The following SPG11 variants were observed in gnomAD, a reference collection of about 807,000 sequenced individuals.
The protein encoded by SPG11 is spatacsin.
In SPG11, 222 loss-of-function variants were observed where a neutral mutation model predicts 274.0. That is an observed-to-expected ratio of 0.81 (90% CI 0.73 to 0.91). The LOEUF (loss-of-function observed/expected upper bound fraction) is 0.91, where lower values mean the gene tolerates loss of function less well. Ranked by LOEUF, SPG11 falls within the 40% of genes least tolerant of loss-of-function variation. The probability of loss-of-function intolerance (pLI) is 0.00; values close to 1 mark genes in which losing one functional copy is unlikely to be tolerated. For missense variants in SPG11, 3,114 were observed against 2,872.7 expected, an observed-to-expected ratio of 1.08 and a Z score of -1.92; for synonymous variants, 1,144 against 1,039.7, an observed-to-expected ratio of 1.10 and a Z score of -1.93.
intron 20 of SPG11, 131 bp downstream of exon 20, chr15:44,605,894 A>G: frequency 1.2e-6 from 1 of 806,216 alleles, no homozygotes; most frequent in Non-Finnish European, 2.1e-6. Context: ...TTTGCGAACT[A>G]TTTTTCCTTT....
In SPG11 at chr15:44,598,901, A is replaced by G. The variant is rs979337431; in HGVS notation, c.3687-65T>C. Reference sequence around the variant, plus strand: ...AATTATGTCTCACCAGGAAAAGCAAATGGAATTAAATCAGTGACAGAGGGA... The same window carrying G: ...AATTATGTCTCACCAGGAAAAGCAAGTGGAATTAAATCAGTGACAGAGGGA... On this transcript the variant is annotated intron_variant, in intron 21 of 39. Transcript: ENST00000261866. The G allele has an allele frequency of 6.1e-6, 9 of 1,483,360 alleles. No homozygotes were observed. In the South Asian group the frequency reaches 9.3e-5, roughly 15 times the overall value. 91.9% of individuals were successfully genotyped at this position (1,483,360 alleles called of 1,614,324 possible).
intron 7 of SPG11, among the ~76,000 whole-genome samples, chr15:44,645,246 G>A (rs1431891467): frequency 6.6e-6 from 1 of 152,102 alleles, no homozygotes; most frequent in Admixed American, 6.6e-5. Flanking sequence ...AACCAAAACA[G>A]CATAGTACTG....
At chr15:44,616,725 C>T (rs2083600658) in intron 15 of SPG11, among the ~76,000 whole-genome samples, 1 of 151,846 alleles carries the variant, frequency 6.6e-6, no homozygotes, top group Admixed American at 6.6e-5. Flanking sequence ...CATATTTATC[C>T]ACTCTACCTT....
intron 30 of SPG11, among the ~76,000 whole-genome samples, chr15:44,581,647 A>G (rs900134526): frequency 7.9e-5 from 12 of 151,454 alleles, no homozygotes; most frequent in Non-Finnish European, 8.8e-5. Context: ...TAATCCCAGC[A>G]CTTTGGGAGG....
Position 44,651,501 on chromosome 15 carries a change from A to G in SPG11, c.1446T>C (p.Phe482=), listed in dbSNP as rs2084774973. 1 of 1,614,108 alleles carries G rather than the reference A, an allele frequency of 6.2e-7. No individual in the cohort carries two copies. The change falls in exon 6 of 40, where the codon TTT becomes TTC. Residue 482 remains phenylalanine, a synonymous_variant. Coordinates refer to ENST00000261866, the MANE Select transcript of SPG11 (RefSeq NM_025137.4). ...ACAAGACAGTCTCACCTGTCAAAAC[A>G]AAGCACAGCTGCTGGTCTCCACTAC... is the stretch of plus-strand genomic sequence containing the variant. ...VDSSGDQQLC[F]VLTENGLSLI... is the part of the protein sequence containing the mutation.
chr15:44,620,695 C>T, intron 14 of SPG11: 1 of 281,368 alleles, frequency 3.6e-6, no homozygotes, highest in Non-Finnish European at 6.6e-6. Context: ...CCATCATGAC[C>T]AGGTAAATTT....
chr15:44,574,177 T>G (rs2082485975), intron 31 of SPG11, among the ~76,000 whole-genome samples: 1 of 152,208 alleles, frequency 6.6e-6, no homozygotes. Context: ...CTAATTTTAG[T>G]ATTTTTGGTA....
At chr15:44,640,553 C>T (rs542251368) in intron 7 of SPG11, among the ~76,000 whole-genome samples, 19 of 152,094 alleles carry the variant, frequency 1.2e-4, no homozygotes, top group African/African-American at 4.3e-4. Flanking sequence ...AATAAAGGCA[C>T]CCCTGAAGAA....
intron 38 of SPG11, 105 bp from the exon 39 acceptor site, chr15:44,564,803 T>C: frequency 1.6e-6 from 2 of 1,231,520 alleles, no homozygotes; most frequent in Admixed American, 3.9e-5. Context: ...ATGTAGTGAA[T>C]ATGATCATTA....
intron 7 of SPG11, among the ~76,000 whole-genome samples, chr15:44,642,837 T>A (rs2084493747): frequency 6.6e-6 from 1 of 152,082 alleles, no homozygotes; most frequent in Non-Finnish European, 1.5e-5. Flanking sequence ...ACTACTGCAC[T>A]CCAACCTGGG....
At chr15:44,592,469 A>C (rs2082927172) in intron 26 of SPG11, 31 bp from the exon 27 acceptor site, 1 of 1,288,270 alleles carries the variant, frequency 7.8e-7, no homozygotes, top group South Asian at 1.2e-5. Context: ...AAAATTACAA[A>C]ATTTTGAACT....
chr15:44,566,787 C>T (rs2082317924), intron 36 of SPG11, among the ~76,000 whole-genome samples: 2 of 152,258 alleles, frequency 1.3e-5, no homozygotes, highest in South Asian at 2.1e-4. Context: ...GCAACCTCCG[C>T]CTCCCGGGTT....
At chr15:44,654,285 G>A (rs914770425) in intron 4 of SPG11, among the ~76,000 whole-genome samples, 23 of 152,084 alleles carry the variant, frequency 1.5e-4, no homozygotes, top group Non-Finnish European at 3.4e-4. Flanking sequence ...TGAGGCAGGT[G>A]GATCACTTGA....
intron 32 of SPG11, 59 bp from the exon 33 acceptor site, chr15:44,572,879 C>T (rs2082452151): frequency 6.3e-7 from 1 of 1,581,648 alleles, no homozygotes; most frequent in Non-Finnish European, 8.7e-7. Flanking sequence ...CCACTCTGCC[C>T]AGGCTTAGGC....
At position 44,564,543 on chromosome 15, in the gene SPG11, T is replaced by C. The variant is rs775894093; in HGVS notation, c.7151+4A>G. 1 of 1,613,604 alleles carries C rather than the reference T, an allele frequency of 6.2e-7. No homozygotes were observed. The highest frequency in any genetic ancestry group is 1.1e-5 in the South Asian group (1 of 91,062). ...AATGTTTACAGTCAACTTTTAATAC[T>C]TACTTTTTGGAAATCTCTTCAAATA... On this transcript the variant is annotated splice_donor_region_variant and intron_variant, in intron 39 of 39. Coordinates refer to ENST00000261866, the MANE Select transcript of SPG11 (RefSeq NM_025137.4).
rs1233801047 is a variant in SPG11 at position 44,651,591 on chromosome 15, G to C, written c.1356C>G (p.Leu452=). The C allele has an allele frequency of 1.2e-6, 2 of 1,614,204 alleles. No individual in the cohort carries two copies. Among genetic ancestry groups the C allele is most frequent in the East Asian group, 2.2e-5 (1 of 44,886 alleles). ...EVERMGYTIT[L]WDLETQGMQC... is the part of the protein sequence containing the mutation. ...GCATGCCCTGGGTCTCCAAATCCCA[G>C]AGGGTAATGGTATAGCCCATCCTTT... Residue 452 remains leucine (L), a synonymous_variant, in exon 6 of 40, where the codon CTC becomes CTG. Coordinates refer to ENST00000261866, the MANE Select transcript of SPG11 (RefSeq NM_025137.4).
chr15:44,659,232 C>T lies in SPG11; in HGVS notation c.514G>A (p.Val172Ile), dbSNP rs1348534639. The part of the protein sequence containing the change: ...NTSLLFINKC[V>I]ILHIIFPERD... ...TCAGGAAATATAATATGTAGGATGA[C>T]ACATTTGTTGATGAACAGTAATGAT... Residue 172 changes from valine (V) to isoleucine (I), a missense_variant, in exon 3 of 40, where the codon GTC becomes ATC. Coordinates refer to ENST00000261866, the MANE Select transcript of SPG11 (RefSeq NM_025137.4). 2 of 1,614,170 alleles carry T rather than the reference C, an allele frequency of 1.2e-6. No homozygotes were observed. The highest frequency in any genetic ancestry group is 3.3e-5 in the Admixed American group (2 of 60,028).
chr15:44,623,981 A>G (rs1391944911), intron 11 of SPG11, among the ~76,000 whole-genome samples: 2 of 151,900 alleles, frequency 1.3e-5, no homozygotes, highest in Non-Finnish European at 2.9e-5. Context: ...ACTGGTCTCA[A>G]ACTCCTGCTT....
At chr15:44,656,323 G>C in intron 4 of SPG11, among the ~76,000 whole-genome samples, 1 of 152,214 alleles carries the variant, frequency 6.6e-6, no homozygotes. Flanking sequence ...TGCAGACACT[G>C]TGAAGGCAGA....
Sources: allele counts gnomAD v4.1 joint callset (sites outside exome capture counted in the v4.1 genomes callset), GRCh38; gene constraint gnomAD v4.1.1; transcripts MANE v1.5; gene names NCBI Gene and HGNC (gene_info 2026-07-23, HGNC 2026-07-21).